Variants in PTPRD observed in about 807,000 individuals in gnomAD.
PTPRD encodes protein tyrosine phosphatase receptor type D.
Under a neutral mutation model 214.5 loss-of-function variants are expected in PTPRD, and 34 were observed. That is an observed-to-expected ratio of 0.16 (90% CI 0.12 to 0.21). The LOEUF (loss-of-function observed/expected upper bound fraction) is 0.21. Among genes scored for constraint, PTPRD ranks in the 10% least tolerant of loss-of-function variants. The pLI, the probability that PTPRD is intolerant of heterozygous loss-of-function variation, is 1.00. For missense variants in PTPRD, 2,545 were observed against 2,398.7 expected (o/e 1.06, Z -1.27); for synonymous variants, 1,128 against 845.7 (o/e 1.33, Z -5.79).
At chr9:10,476,960 T>C (rs578133525) in intron 2 of PTPRD, among the ~76,000 whole-genome samples, 5 of 152,266 alleles carry the variant, frequency 3.3e-5, no homozygotes, top group African/African-American at 1.2e-4. Flanking sequence ...TTGGACCCCT[T>C]ACTTAGACGT....
At chr9:10,539,081 AC>A (rs1190876264) in intron 2 of PTPRD, among the ~76,000 whole-genome samples, 1 of 152,152 alleles carries the variant, frequency 6.6e-6, no homozygotes, top group Non-Finnish European at 1.5e-5. Flanking sequence ...AACTGAAAAT[AC>A]CCCTTTCTCT....
chr9:9,163,748 C>T (rs547302366), intron 10 of PTPRD, among the ~76,000 whole-genome samples: 7 of 152,288 alleles, frequency 4.6e-5, no homozygotes, highest in South Asian at 4.1e-4. Flanking sequence ...GACCTCAGTA[C>T]GTTAAGCAGC....
chr9:9,680,146 A>T (rs921570527), intron 7 of PTPRD, among the ~76,000 whole-genome samples: 2 of 151,800 alleles, frequency 1.3e-5, no homozygotes, highest in Non-Finnish European at 2.9e-5. Context: ...AACCTTACAG[A>T]GATACTTTAT....
intron 30 of PTPRD, among the ~76,000 whole-genome samples, 177 bp from the exon 31 acceptor site, chr9:8,471,262 C>T (rs531599661): frequency 3.3e-5 from 5 of 152,016 alleles, no homozygotes; most frequent in South Asian, 2.1e-4. Flanking sequence ...AAAAACAACA[C>T]GGGAAGACAT....
At chr9:9,943,362 G>A (rs1207290985) in intron 4 of PTPRD, among the ~76,000 whole-genome samples, 1 of 152,012 alleles carries the variant, frequency 6.6e-6, no homozygotes, top group Non-Finnish European at 1.5e-5. Context: ...ATCACTCTCT[G>A]GAATTTTTAG....
chr9:8,544,661 G>T (rs1014664555), intron 14 of PTPRD, among the ~76,000 whole-genome samples: 2 of 149,902 alleles, frequency 1.3e-5, no homozygotes, highest in South Asian at 2.1e-4. Context: ...GTAGAGACAG[G>T]GTTTCACCAT....
intron 12 of PTPRD, chr9:8,713,969 G>T (rs1328776972): frequency 6.6e-6 from 4 of 609,442 alleles, no homozygotes; most frequent in Admixed American, 2.9e-5. Context: ...GCCTGACCTT[G>T]GTACACAGTG....
intron 9 of PTPRD, among the ~76,000 whole-genome samples, chr9:9,281,223 G>C (rs1947580445): frequency 6.6e-6 from 1 of 151,182 alleles, no homozygotes; most frequent in African/African-American, 2.4e-5. Context: ...TATACATTAA[G>C]GTATGATCAG....
chr9:9,349,729 T>A (rs1162708445), intron 9 of PTPRD, among the ~76,000 whole-genome samples: 1 of 151,930 alleles, frequency 6.6e-6, no homozygotes, highest in African/African-American at 2.4e-5. Context: ...TCACCTTGTT[T>A]ATACCACTTA....
At chr9:8,372,686 C>A (rs915914767) in intron 39 of PTPRD, among the ~76,000 whole-genome samples, 5 of 151,998 alleles carry the variant, frequency 3.3e-5, no homozygotes, top group African/African-American at 1.2e-4. Context: ...AGACTCTGTC[C>A]TCCTTGACCT....
chr9:9,559,480 A>T (rs559514011), intron 8 of PTPRD, among the ~76,000 whole-genome samples: 1 of 152,358 alleles, frequency 6.6e-6, no homozygotes, highest in African/African-American at 2.4e-5. Context: ...CAGTTTTAAT[A>T]GGCACCCCTG....
At chr9:9,711,538 T>C (rs530109343) in intron 7 of PTPRD, among the ~76,000 whole-genome samples, 1 of 152,316 alleles carries the variant, frequency 6.6e-6, no homozygotes, top group South Asian at 2.1e-4. Flanking sequence ...GTTTTAATGA[T>C]AAATTCTCAG....
intron 11 of PTPRD, among the ~76,000 whole-genome samples, chr9:8,838,779 G>C (rs879544612): frequency 2.0e-5 from 3 of 151,986 alleles, no homozygotes; most frequent in Non-Finnish European, 2.9e-5. Context: ...ACCTAAATAA[G>C]TTTGAGGATC....
rs771818096 is a variant in PTPRD, at chr9:8,636,743, C to A, written c.166G>T (p.Val56Phe). The part of the protein sequence containing the change: ...QATGDPRPKI[V>F]WNKKGKKVSN... ...ACTTTCTTTCCTTTTTTGTTCCAGACAATTTTAGGTCTTGGGTCTCCCGTA... is the reference window on the plus strand; with the variant it reads ...ACTTTCTTTCCTTTTTTGTTCCAGAAAATTTTAGGTCTTGGGTCTCCCGTA... Residue 56 changes from valine to phenylalanine, a missense_variant, in exon 13 of 46, where the codon GTC (valine) becomes TTC (phenylalanine). By Grantham distance (50) the Val-to-Phe change is conservative (BLOSUM62 -1). Coordinates refer to ENST00000381196, the MANE Select transcript of PTPRD (RefSeq NM_002839.4). 5 of 1,613,794 alleles carry A rather than the reference C, an allele frequency of 3.1e-6. No individual in the cohort carries two copies. The highest frequency in any genetic ancestry group is 1.3e-5 in the African/African-American group (1 of 74,880).
intron 4 of PTPRD, among the ~76,000 whole-genome samples, chr9:10,025,004 C>T (rs1277623263): frequency 6.6e-6 from 1 of 151,714 alleles, no homozygotes; most frequent in Non-Finnish European, 1.5e-5. Context: ...TGTATATGTG[C>T]CACATTTTCT....
intron 2 of PTPRD, among the ~76,000 whole-genome samples, chr9:10,418,828 C>T (rs2098519218): frequency 6.6e-6 from 1 of 151,822 alleles, no homozygotes; most frequent in Non-Finnish European, 1.5e-5. Context: ...AGATAAACAG[C>T]AGAGGGACAG....
At chr9:8,527,474 A>G in intron 15 of PTPRD, 121 bp from the exon 16 acceptor site, 1 of 843,580 alleles carries the variant, frequency 1.2e-6, no homozygotes, top group South Asian at 1.7e-5. Context: ...GTTACATGTG[A>G]ATAATTAATT....
At chr9:8,623,198 G>T (rs745964802) in intron 14 of PTPRD, among the ~76,000 whole-genome samples, 3 of 151,850 alleles carry the variant, frequency 2.0e-5, no homozygotes, top group Non-Finnish European at 4.4e-5. Flanking sequence ...CAGGCACTGT[G>T]CTTACTGCCA....
intron 5 of PTPRD, among the ~76,000 whole-genome samples, chr9:9,932,492 A>G (rs1265235259): frequency 7.2e-6 from 1 of 138,502 alleles, no homozygotes; most frequent in Non-Finnish European, 1.5e-5. Flanking sequence ...GGAAGATGAA[A>G]TGAATGAAAT....
Sources: allele counts gnomAD v4.1 joint callset (sites outside exome capture counted in the v4.1 genomes callset), GRCh38; gene constraint gnomAD v4.1.1; transcripts MANE v1.5; gene names NCBI Gene and HGNC (gene_info 2026-07-23, HGNC 2026-07-21).